SEMA3A: variants seen among roughly 807,000 people sequenced by gnomAD.
SEMA3A encodes the protein semaphorin-3A.
In SEMA3A, 29 loss-of-function variants were observed where a neutral mutation model predicts 97.9. That is an observed-to-expected ratio of 0.30 (90% CI 0.22 to 0.40). The LOEUF (loss-of-function observed/expected upper bound fraction) is 0.40. Ranked by LOEUF, SEMA3A falls within the 10% of genes least tolerant of loss-of-function variation. SEMA3A has a pLI of 1.00. For synonymous variants in SEMA3A, 321 were observed against 323.7 expected (o/e 0.99, Z 0.09); for missense variants, 763 against 951.3 (o/e 0.80, Z 2.60).
intron 14 of SEMA3A, among the ~76,000 whole-genome samples, chr7:83,978,033 G>A (rs1415055800): frequency 6.6e-6 from 1 of 151,966 alleles, no homozygotes; most frequent in African/African-American, 2.4e-5. Context: ...TCGATCTCCT[G>A]ACCTTGTGAT....
intron 3 of SEMA3A, among the ~76,000 whole-genome samples, chr7:84,212,248 G>T (rs1371746059): frequency 1.3e-5 from 2 of 152,096 alleles, no homozygotes; most frequent in East Asian, 3.8e-4. Context: ...AAAGATTTAA[G>T]AATTATTTTC....
At chr7:84,256,808 T>A (rs1010539956) in intron 3 of SEMA3A, among the ~76,000 whole-genome samples, 4 of 152,068 alleles carry the variant, frequency 2.6e-5, no homozygotes, top group Non-Finnish European at 5.9e-5. Flanking sequence ...CTAAACCCTA[T>A]AATGACTTTT....
chr7:84,159,202 A>G (rs1796948595), intron 1 of SEMA3A, among the ~76,000 whole-genome samples: 1 of 152,162 alleles, frequency 6.6e-6, no homozygotes, highest in African/African-American at 2.4e-5. Flanking sequence ...CATAGTACAT[A>G]GTGAACAGCC....
chr7:84,414,094 C>T lies in SEMA3A; in HGVS notation c.-245-42194G>A, dbSNP rs147245475. 3.0e-3 allele frequency among the ~76,000 whole-genome samples: 456 copies of T among 152,070 alleles called. 1 individual carries two copies. Among genetic ancestry groups the T allele is most frequent in the African/African-American group, 0.01 (430 of 41,502 alleles). ...TATAATAATATTTGTGGCTTAACCC[C>T]GCACCAACTTGAGCAATTTGATTCC... On this transcript the variant is annotated intron_variant, in intron 1 of 3. Transcript: ENST00000424555.
intron 4 of SEMA3A, among the ~76,000 whole-genome samples, chr7:84,073,315 TAGA>T (rs2115762615): frequency 6.6e-6 from 1 of 151,932 alleles, no homozygotes; most frequent in South Asian, 2.1e-4. Flanking sequence ...AGGAGGCCAG[TAGA>T]ATCCACAGAG....
At position 84,011,323 on chromosome 7, in the gene SEMA3A, G is replaced by C. The variant is rs889602962; in HGVS notation, c.811-26C>G. The C allele has an allele frequency of 5.9e-6, 8 of 1,354,680 alleles. No homozygotes were observed. The South Asian group carries it at 9.4e-5, about 16-fold the overall frequency. The allele number at this position is 1,354,680 out of a possible 1,614,324, so 83.9% of individuals were successfully genotyped here. On this transcript the variant is annotated intron_variant, in intron 7 of 16. Coordinates refer to ENST00000265362, the MANE Select transcript of SEMA3A (RefSeq NM_006080.3). ...CTGAAAGAAGGGAACACCAGTGTTA[G>C]GCACTGTTAATGAAAATGATAATTT...
intron 1 of SEMA3A, among the ~76,000 whole-genome samples, chr7:84,431,900 C>A (rs1562946089): frequency 6.6e-6 from 1 of 151,852 alleles, no homozygotes. Context: ...AACAGAACTA[C>A]CCACACTGAA....
chr7:84,054,928 G>T (rs1199260890), intron 5 of SEMA3A, among the ~76,000 whole-genome samples: 5 of 152,022 alleles, frequency 3.3e-5, no homozygotes, highest in Non-Finnish European at 7.4e-5. Flanking sequence ...TAACAGACAG[G>T]ACCCTCAGCT....
intron 1 of SEMA3A, among the ~76,000 whole-genome samples, chr7:84,152,580 A>G (rs1051408428): frequency 1.4e-5 from 2 of 140,078 alleles, no homozygotes; most frequent in African/African-American, 5.3e-5. Context: ...ATTGGGAGAT[A>G]TACCTAATGC....
intron 1 of SEMA3A, among the ~76,000 whole-genome samples, chr7:84,460,480 T>G (rs1805803209): frequency 6.6e-6 from 1 of 152,158 alleles, no homozygotes; most frequent in Admixed American, 6.5e-5. Flanking sequence ...TAAAGGTTAT[T>G]ATGTATCTAT....
chr7:84,472,296 T>C (rs1289190605), intron 1 of SEMA3A, among the ~76,000 whole-genome samples: 2 of 152,106 alleles, frequency 1.3e-5, no homozygotes, highest in East Asian at 1.9e-4. Flanking sequence ...TTCAGAAATA[T>C]GCAGAAATTT....
chr7:84,041,573 T>C (rs976922552), intron 6 of SEMA3A, among the ~76,000 whole-genome samples: 3 of 152,140 alleles, frequency 2.0e-5, no homozygotes, highest in Non-Finnish European at 4.4e-5. Flanking sequence ...TCTCATTTTA[T>C]TTCTGTGACT....
At chr7:84,140,812 A>C (rs555408465) in intron 1 of SEMA3A, among the ~76,000 whole-genome samples, 6 of 152,254 alleles carry the variant, frequency 3.9e-5, no homozygotes, top group African/African-American at 1.4e-4. Flanking sequence ...TTTTTCTTGC[A>C]TTATAAGAAC....
intron 3 of SEMA3A, among the ~76,000 whole-genome samples, chr7:84,217,084 A>C (rs1446826155): frequency 6.6e-6 from 1 of 152,226 alleles, no homozygotes; most frequent in Non-Finnish European, 1.5e-5. Flanking sequence ...CCAACTATTC[A>C]AAATAATTGC....
intron 6 of SEMA3A, among the ~76,000 whole-genome samples, chr7:84,044,928 G>T (rs1166911216): frequency 6.6e-6 from 1 of 152,072 alleles, no homozygotes; most frequent in African/African-American, 2.4e-5. Flanking sequence ...CGTGGAGGCA[G>T]GGAGCATGCC....
chr7:83,979,512 T>C (rs1379845713), intron 14 of SEMA3A, among the ~76,000 whole-genome samples: 1 of 152,186 alleles, frequency 6.6e-6, no homozygotes, highest in African/African-American at 2.4e-5. Context: ...TCTTAAAAAA[T>C]TTAATGTTAC....
At chr7:84,211,200 C>T (rs1046181002) in intron 3 of SEMA3A, among the ~76,000 whole-genome samples, 2 of 152,012 alleles carry the variant, frequency 1.3e-5, no homozygotes, top group Non-Finnish European at 2.9e-5. Context: ...TGACTAAACC[C>T]CAAATCATAG....
At chr7:84,026,104 C>T (rs190662015) in intron 6 of SEMA3A, among the ~76,000 whole-genome samples, 24 of 152,242 alleles carry the variant, frequency 1.6e-4, no homozygotes, top group African/African-American at 5.1e-4. Context: ...TCGTAGTTTT[C>T]CTCAAAAAGG....
rs374821522 is a variant in SEMA3A at position 84,236,122 on chromosome 7, A to G, written c.-82-41454T>C. On this transcript the variant is annotated intron_variant, in intron 3 of 3. Coordinates refer to the SEMA3A transcript ENST00000424555. ...TTAGAATTCATTTGTTTCTCTTCCA[A>G]ACTTTCCCCTATGCCTTCAATTTTA... 5.9e-5 allele frequency among the ~76,000 whole-genome samples: 9 copies of G among 152,170 alleles called. 1 individual carries two copies. Among genetic ancestry groups the G allele is most frequent in the Admixed American group, 1.3e-4 (2 of 15,256 alleles).
Sources: gnomAD v4.1 joint callset for allele counts (sites outside exome capture counted in the v4.1 genomes callset) on GRCh38, gnomAD v4.1.1 for gene constraint, MANE v1.5 for transcripts, NCBI Gene and HGNC (gene_info 2026-07-23, HGNC 2026-07-21) for gene names.